The following MBD5 variants were observed in gnomAD, a reference collection of about 807,000 sequenced individuals.
MBD5 encodes the protein methyl-CpG binding domain protein 5.
Under a neutral mutation model 117.3 loss-of-function variants are expected in MBD5, and 13 were observed. The observed-to-expected ratio is 0.11, with a 90% CI of 0.07 to 0.18. The LOEUF is 0.18. MBD5 is among the 10% of genes least tolerant of loss of function. The probability of loss-of-function intolerance (pLI) is 1.00; values close to 1 mark genes in which losing one functional copy is unlikely to be tolerated. For synonymous variants in MBD5, 727 were observed against 766.4 expected, an observed-to-expected ratio of 0.95 and a Z score of 0.85; for missense variants, 1,879 against 2,093.8, an observed-to-expected ratio of 0.90 and a Z score of 2.00.
chr2:148,509,863 A>T (rs1189354886), intron 12 of MBD5, among the ~76,000 whole-genome samples, 197 bp from the exon 13 acceptor site: 1 of 151,958 alleles, frequency 6.6e-6, no homozygotes, highest in East Asian at 1.9e-4. Flanking sequence ...AACTTTTTTT[A>T]GTAGTTCTGT....
At chr2:148,041,752 C>T (rs1477836362) in intron 1 of MBD5, among the ~76,000 whole-genome samples, 2 of 152,188 alleles carry the variant, frequency 1.3e-5, no homozygotes, top group Non-Finnish European at 2.9e-5. Flanking sequence ...CTGCCTTGGT[C>T]TTCACTGCCT....
In MBD5 at chr2:148,200,263, G is replaced by C. The variant is rs907012533; in HGVS notation, c.-831+21470G>C. On this transcript the variant is annotated intron_variant, in intron 2 of 13. Transcript: ENST00000642680. ...ATTGTCTGCCCACACTAGAAACTACGCAACACCGAGGCAGGGTTTTTGCAA... is the reference window on the plus strand; with the variant it reads ...ATTGTCTGCCCACACTAGAAACTACCCAACACCGAGGCAGGGTTTTTGCAA... Among the ~76,000 whole-genome samples the C allele has an allele frequency of 2.6e-5, 4 of 150,962 alleles. No homozygotes were observed. The East Asian group carries it at 5.9e-4, about 22-fold the overall frequency.
At chr2:148,031,120 T>A (rs1336719423) in intron 1 of MBD5, among the ~76,000 whole-genome samples, 1 of 152,144 alleles carries the variant, frequency 6.6e-6, no homozygotes, top group Non-Finnish European at 1.5e-5. Flanking sequence ...TAATCAGTGA[T>A]CCAAATTATT....
chr2:148,217,201 G>T (rs1318093985), intron 2 of MBD5, among the ~76,000 whole-genome samples: 3 of 152,288 alleles, frequency 2.0e-5, no homozygotes, highest in South Asian at 4.1e-4. Context: ...CAGAGAATGG[G>T]GTGGGTGGGT....
At chr2:148,194,707 A>C (rs1159592364) in intron 2 of MBD5, among the ~76,000 whole-genome samples, 2 of 134,798 alleles carry the variant, frequency 1.5e-5, no homozygotes, top group African/African-American at 2.6e-5. Context: ...ACATGTATAC[A>C]TATGTAACTA....
intron 4 of MBD5, among the ~76,000 whole-genome samples, chr2:148,419,597 G>A (rs2105250855): frequency 6.6e-6 from 1 of 152,086 alleles, no homozygotes; most frequent in African/African-American, 2.4e-5. Flanking sequence ...TATTATGTGG[G>A]TTTGTGGCCA....
At chr2:148,472,824 A>G (rs1680839237) in intron 8 of MBD5, among the ~76,000 whole-genome samples, 1 of 152,160 alleles carries the variant, frequency 6.6e-6, no homozygotes, top group Non-Finnish European at 1.5e-5. Flanking sequence ...AGTACCTTTT[A>G]TGTACCAGGT....
intron 2 of MBD5, among the ~76,000 whole-genome samples, chr2:148,227,874 C>A: frequency 6.6e-6 from 1 of 152,168 alleles, no homozygotes; most frequent in Non-Finnish European, 1.5e-5. Context: ...CTCTTTGAAG[C>A]AATTATGAAT....
At chr2:148,154,688 C>T (rs926534392) in intron 1 of MBD5, among the ~76,000 whole-genome samples, 3 of 152,132 alleles carry the variant, frequency 2.0e-5, no homozygotes, top group Admixed American at 6.5e-5. Flanking sequence ...GGGAGTGACC[C>T]GATTTTCCAG....
intron 3 of MBD5, among the ~76,000 whole-genome samples, chr2:148,281,098 G>T (rs892330768): frequency 2.6e-5 from 4 of 152,188 alleles, no homozygotes; most frequent in Non-Finnish European, 5.9e-5. Flanking sequence ...TGATGATAAT[G>T]ATGCTTTTAA....
chr2:148,155,618 T>C (rs1279578803), intron 1 of MBD5, among the ~76,000 whole-genome samples: 2 of 152,350 alleles, frequency 1.3e-5, no homozygotes, highest in South Asian at 2.1e-4. Flanking sequence ...TTTGGGCTTT[T>C]ATCATGGTCA....
intron 1 of MBD5, among the ~76,000 whole-genome samples, chr2:148,103,246 T>C (rs1696278127): frequency 6.6e-6 from 1 of 152,180 alleles, no homozygotes; most frequent in Admixed American, 6.5e-5. Context: ...TTATTTTGCT[T>C]TCCATCAAAG....
chr2:148,307,673 G>C (rs57577804), intron 3 of MBD5, among the ~76,000 whole-genome samples: 18 of 151,952 alleles, frequency 1.2e-4, no homozygotes, highest in Non-Finnish European at 1.5e-5. Flanking sequence ...TTAAGTTCTG[G>C]GATACTTGTG....
chr2:148,179,115 G>T (rs1205668764), intron 2 of MBD5, among the ~76,000 whole-genome samples: 1 of 152,158 alleles, frequency 6.6e-6, no homozygotes, highest in Non-Finnish European at 1.5e-5. Flanking sequence ...AGCACTTTGG[G>T]AGGCCGAGGC....
chr2:148,383,859 C>A (rs1461149700), intron 4 of MBD5, among the ~76,000 whole-genome samples: 1 of 152,120 alleles, frequency 6.6e-6, no homozygotes, highest in Non-Finnish European at 1.5e-5. Context: ...AAGACAAAAA[C>A]CAGATGATTA....
chr2:148,264,085 T>C (rs938620854), intron 3 of MBD5: 1 of 152,174 alleles, frequency 6.6e-6, no homozygotes, highest in South Asian at 2.1e-4. Flanking sequence ...AGTGCACATG[T>C]AGATGTGGAC....
At chr2:148,386,445 G>A (rs533800969) in intron 4 of MBD5, among the ~76,000 whole-genome samples, 44 of 152,192 alleles carry the variant, frequency 2.9e-4, no homozygotes, top group African/African-American at 8.9e-4. Context: ...CCGGCCGGGC[G>A]CGGTGGCTCA....
At chr2:148,412,463 AT>A (rs946186056) in intron 4 of MBD5, among the ~76,000 whole-genome samples, 3 of 151,960 alleles carry the variant, frequency 2.0e-5, no homozygotes, top group African/African-American at 7.3e-5. Flanking sequence ...TTTCACATGA[AT>A]TTTAAAATAG....
intron 3 of MBD5, among the ~76,000 whole-genome samples, chr2:148,256,437 C>T (rs1700592325): frequency 1.3e-5 from 2 of 152,242 alleles, no homozygotes; most frequent in Admixed American, 6.5e-5. Context: ...ACCCATTTCC[C>T]AGAGGTCTTG....
Sources: allele counts gnomAD v4.1 joint callset (sites outside exome capture counted in the v4.1 genomes callset), GRCh38; gene constraint gnomAD v4.1.1; transcripts MANE v1.5; gene names NCBI Gene and HGNC (gene_info 2026-07-23, HGNC 2026-07-21).